CHODL: variants seen among roughly 807,000 people sequenced by gnomAD.
CHODL encodes transmembrane protein MT75.
In CHODL, 29 loss-of-function variants were observed where a neutral mutation model predicts 34.5. That is an observed-to-expected ratio of 0.84 (90% CI 0.63 to 1.15). CHODL has a LOEUF of 1.15. Ranked by LOEUF, CHODL falls within the 50% of genes most tolerant of loss-of-function variation. CHODL has a pLI of 0.00. For missense variants in CHODL, 332 were observed against 332.5 expected (o/e 1.00, Z 0.01); for synonymous variants, 125 against 116.1 (o/e 1.08, Z -0.49).
chr21:18,252,859 A>C (rs1416980490), intron 1 of CHODL, among the ~76,000 whole-genome samples: 6 of 151,984 alleles, frequency 3.9e-5, no homozygotes, highest in Non-Finnish European at 8.8e-5. Flanking sequence ...CAGCCATCAC[A>C]AGCTCCACTC....
chr21:18,180,493 T>C (rs1262230452), intron 2 of CHODL, among the ~76,000 whole-genome samples: 1 of 152,200 alleles, frequency 6.6e-6, no homozygotes, highest in East Asian at 1.9e-4. Flanking sequence ...AAACTGCATG[T>C]TTCCTGTTAC....
At chr21:18,144,092 G>A (rs753910708) in intron 2 of CHODL, among the ~76,000 whole-genome samples, 6 of 151,806 alleles carry the variant, frequency 4.0e-5, no homozygotes, top group Non-Finnish European at 7.4e-5. Flanking sequence ...TCTTGTATTC[G>A]GTCAATAATA....
chr21:18,026,145 T>A (rs1568849695), intron 1 of CHODL, among the ~76,000 whole-genome samples: 1 of 152,166 alleles, frequency 6.6e-6, no homozygotes. Context: ...GAAATTAGTA[T>A]TTGCTGAATG....
At chr21:18,216,637 A>G (rs1228477423) in intron 2 of CHODL, among the ~76,000 whole-genome samples, 1 of 152,220 alleles carries the variant, frequency 6.6e-6, no homozygotes, top group Non-Finnish European at 1.5e-5. Flanking sequence ...CACTGCTATA[A>G]AAAATACCTG....
intron 1 of CHODL, among the ~76,000 whole-genome samples, chr21:18,251,776 TTATA>T (rs1287893226): frequency 6.9e-6 from 1 of 144,960 alleles, no homozygotes; most frequent in Non-Finnish European, 1.5e-5. Flanking sequence ...AAATAAATAT[TTATA>T]TACTTTATAT....
intron 2 of CHODL, among the ~76,000 whole-genome samples, chr21:18,215,701 G>C (rs2073820962): frequency 6.6e-6 from 1 of 152,102 alleles, no homozygotes; most frequent in Non-Finnish European, 1.5e-5. Flanking sequence ...CATTTGATTT[G>C]GGTTTCCTCC....
intron 2 of CHODL, among the ~76,000 whole-genome samples, chr21:18,115,934 C>T (rs528115923): frequency 2.0e-5 from 3 of 152,162 alleles, no homozygotes; most frequent in South Asian, 2.1e-4. Context: ...CCAGTGGACA[C>T]GTTCAGTGGC....
intron 1 of CHODL, among the ~76,000 whole-genome samples, chr21:17,976,836 C>T (rs2063666954): frequency 6.6e-6 from 1 of 152,148 alleles, no homozygotes; most frequent in Non-Finnish European, 1.5e-5. Context: ...AAGACACCCT[C>T]TTCTTTCATG....
chr21:18,260,059 C>G, intron 3 of CHODL, 141 bp from the exon 4 acceptor site: 1 of 279,928 alleles, frequency 3.6e-6, no homozygotes, highest in African/African-American at 2.2e-5. Context: ...AATTTAAATT[C>G]AGAATGTATT....
chr21:17,929,228 C>T (rs2063251914), intron 1 of CHODL, among the ~76,000 whole-genome samples: 1 of 152,164 alleles, frequency 6.6e-6, no homozygotes, highest in Non-Finnish European at 1.5e-5. Flanking sequence ...TGGCTAGTTG[C>T]TATTGAGTAC....
intron 1 of CHODL, among the ~76,000 whole-genome samples, chr21:18,013,073 C>T (rs2064034464): frequency 6.6e-6 from 1 of 152,086 alleles, no homozygotes; most frequent in Non-Finnish European, 1.5e-5. Flanking sequence ...ATCTGATTGG[C>T]TTTTAAAATT....
intron 1 of CHODL, among the ~76,000 whole-genome samples, chr21:18,018,528 T>C (rs975181932): frequency 2.0e-5 from 3 of 152,200 alleles, no homozygotes; most frequent in African/African-American, 7.2e-5. Context: ...CCATATGACA[T>C]GCTTACTCTT....
chr21:17,989,194 TAGGCAA>T (rs1324916186), intron 1 of CHODL, among the ~76,000 whole-genome samples: 1 of 152,190 alleles, frequency 6.6e-6, no homozygotes, highest in Non-Finnish European at 1.5e-5. Flanking sequence ...GAACAAGATA[TAGGCAA>T]AGACTGGATG....
intron 2 of CHODL, among the ~76,000 whole-genome samples, chr21:18,226,437 A>G (rs945853152): frequency 6.6e-6 from 1 of 152,104 alleles, no homozygotes; most frequent in African/African-American, 2.4e-5. Context: ...AGTAGCTGGC[A>G]TTATAGGTGC....
chr21:18,147,687 A>G (rs13050742), intron 2 of CHODL, among the ~76,000 whole-genome samples: 1 of 152,176 alleles, frequency 6.6e-6, no homozygotes, highest in Admixed American at 6.5e-5. Flanking sequence ...TGTCACTTCT[A>G]CTCAACTCTG....
chr21:18,074,216 ATTATCCC>A (rs2064838357), intron 2 of CHODL, among the ~76,000 whole-genome samples: 1 of 152,168 alleles, frequency 6.6e-6, no homozygotes, highest in African/African-American at 2.4e-5. Context: ...CCTTTATGAA[ATTATCCC>A]TGGAAAGAAC....
intron 2 of CHODL, among the ~76,000 whole-genome samples, chr21:18,145,540 T>A (rs1322671501): frequency 6.6e-6 from 1 of 152,032 alleles, no homozygotes; most frequent in East Asian, 1.9e-4. Context: ...TTGTTTTTTC[T>A]GAATGCTTGC....
Position 18,115,327 on chromosome 21 carries a change from G to A in CHODL, c.-45+87356G>A, listed in dbSNP as rs180916975. ...AGCATCTCCTCTGCCATCAAAGGCT[G>A]CTTATTTTTGCAATGTTAAGTGACT... On this transcript the variant is annotated intron_variant, in intron 2 of 6. Transcript: ENST00000400127. 3.9e-5 allele frequency among the ~76,000 whole-genome samples: 6 copies of A among 152,282 alleles called. No homozygotes were observed. In the East Asian group the frequency reaches 1.2e-3, roughly 29 times the overall value.
At chr21:18,217,953 C>T (rs1318332464) in intron 2 of CHODL, among the ~76,000 whole-genome samples, 1 of 152,216 alleles carries the variant, frequency 6.6e-6, no homozygotes, top group East Asian at 1.9e-4. Flanking sequence ...CACACTGATG[C>T]AAGAGGTGGG....
Sources: allele counts gnomAD v4.1 joint callset (sites outside exome capture counted in the v4.1 genomes callset), GRCh38; gene constraint gnomAD v4.1.1; transcripts MANE v1.5; gene names NCBI Gene and HGNC (gene_info 2026-07-23, HGNC 2026-07-21).